Variants in RALGAPA2 observed in about 807,000 individuals in gnomAD.
RALGAPA2 encodes the protein Ral GTPase activating protein catalytic subunit alpha 2.
RALGAPA2 carries 139 observed loss-of-function variants against 230.4 expected under a neutral mutation model. The ratio of observed to expected loss-of-function variants is 0.60; its 90% confidence interval spans 0.53 to 0.69. The LOEUF (loss-of-function observed/expected upper bound fraction) is 0.69, where lower values mean the gene tolerates loss of function less well. RALGAPA2 is among the 30% of genes least tolerant of loss of function. RALGAPA2 has a pLI of 0.00. For missense variants in RALGAPA2, 2,163 were observed against 2,276.0 expected (o/e 0.95, Z 1.01); for synonymous variants, 847 against 837.8 (o/e 1.01, Z -0.19).
At chr20:20,459,192 T>C (rs2061242807) in intron 37 of RALGAPA2, among the ~76,000 whole-genome samples, 1 of 152,098 alleles carries the variant, frequency 6.6e-6, no homozygotes, top group Non-Finnish European at 1.5e-5. Flanking sequence ...CAGCACATTT[T>C]AATTCCACTG....
intron 36 of RALGAPA2, among the ~76,000 whole-genome samples, chr20:20,488,143 A>G (rs1049993918): frequency 6.6e-6 from 1 of 152,038 alleles, no homozygotes; most frequent in Non-Finnish European, 1.5e-5. Flanking sequence ...TATATTTTCC[A>G]TCTGTGTTTG....
chr20:20,698,242 T>C (rs2069195534), intron 1 of RALGAPA2, among the ~76,000 whole-genome samples: 1 of 151,922 alleles, frequency 6.6e-6, no homozygotes, highest in South Asian at 2.1e-4. Context: ...GTTAATGTAT[T>C]AAGCACCACT....
chr20:20,595,441 G>A (rs1029099079), intron 16 of RALGAPA2, among the ~76,000 whole-genome samples: 2 of 152,142 alleles, frequency 1.3e-5, no homozygotes, highest in Non-Finnish European at 2.9e-5. Context: ...GGGTAAATCA[G>A]ACCAGGTCCT....
chr20:20,566,382 A>G (rs1283826720), intron 23 of RALGAPA2, among the ~76,000 whole-genome samples: 1 of 152,230 alleles, frequency 6.6e-6, no homozygotes, highest in Non-Finnish European at 1.5e-5. Flanking sequence ...CAAATGTATC[A>G]ATCGGTATGT....
intron 3 of RALGAPA2, among the ~76,000 whole-genome samples, chr20:20,663,596 T>C (rs1047919334): frequency 1.3e-5 from 2 of 152,062 alleles, no homozygotes. Flanking sequence ...ATTATTATTA[T>C]TACTATTATT....
At chr20:20,622,888 C>A (rs906698944) in intron 10 of RALGAPA2, among the ~76,000 whole-genome samples, 1 of 152,092 alleles carries the variant, frequency 6.6e-6, no homozygotes, top group Non-Finnish European at 1.5e-5. Context: ...ATTACATATT[C>A]ATAATAATAA....
intron 38 of RALGAPA2, among the ~76,000 whole-genome samples, chr20:20,411,736 C>A (rs984908573): frequency 1.3e-5 from 2 of 152,194 alleles, no homozygotes; most frequent in African/African-American, 4.8e-5. Flanking sequence ...ATTCCCAGCT[C>A]AGCAAGAAAC....
At chr20:20,491,166 G>A (rs1362828164) in intron 36 of RALGAPA2, among the ~76,000 whole-genome samples, 1 of 152,080 alleles carries the variant, frequency 6.6e-6, no homozygotes, top group Non-Finnish European at 1.5e-5. Context: ...GCTTAGAACT[G>A]GAACTCTGGT....
At chr20:20,423,882 C>A (rs181364172) in intron 37 of RALGAPA2, among the ~76,000 whole-genome samples, 5 of 152,278 alleles carry the variant, frequency 3.3e-5, no homozygotes, top group African/African-American at 1.2e-4. Context: ...CCTAATGATA[C>A]ACTCCTGGAG....
chr20:20,536,570 T>C, intron 25 of RALGAPA2, 86 bp downstream of exon 25: 2 of 1,438,522 alleles, frequency 1.4e-6, no homozygotes, highest in Non-Finnish European at 1.9e-6. Flanking sequence ...AATAAGCAGA[T>C]TAATATACAC....
chr20:20,593,738 G>A (rs1396936160), intron 16 of RALGAPA2, among the ~76,000 whole-genome samples: 1 of 152,216 alleles, frequency 6.6e-6, no homozygotes, highest in African/African-American at 2.4e-5. Context: ...GCTATGAGCA[G>A]GAGCAAATAA....
intron 16 of RALGAPA2, among the ~76,000 whole-genome samples, chr20:20,595,400 T>TG (rs2065421718): frequency 6.6e-6 from 1 of 152,196 alleles, no homozygotes. Flanking sequence ...GCTCAGCATC[T>TG]TGAGGTTTCC....
intron 10 of RALGAPA2, among the ~76,000 whole-genome samples, chr20:20,625,278 T>C (rs2066456959): frequency 6.6e-6 from 1 of 152,232 alleles, no homozygotes; most frequent in South Asian, 2.1e-4. Flanking sequence ...GTGTCTCATC[T>C]ATGTAGCTAG....
Position 20,591,307 on chromosome 20 carries a change from C to T in RALGAPA2, c.2211G>A (p.Glu737=), listed in dbSNP as rs766869836. Residue 737 remains glutamate (E), a synonymous_variant, in exon 17 of 40, where the codon GAG becomes GAA. Transcript: ENST00000202677. ...NIVRQKATEV[E]ECQQSENAPA... is the part of the protein sequence containing the mutation. The stretch of plus-strand genomic sequence containing the variant: ...GTGCATTTTCTGACTGTTGACACTC[C>T]TCCACTTCTGTGAGCATTAACAAAA... 8 of 1,613,532 alleles carry T rather than the reference C, an allele frequency of 5.0e-6. No homozygotes were observed. In the East Asian group the frequency reaches 1.8e-4, roughly 36 times the overall value.
At chr20:20,508,363 C>T (rs1281695755) in intron 33 of RALGAPA2, among the ~76,000 whole-genome samples, 5 of 152,222 alleles carry the variant, frequency 3.3e-5, no homozygotes, top group African/African-American at 1.2e-4. Flanking sequence ...AATTAACAAT[C>T]TTCCCTTCCT....
intron 2 of RALGAPA2, among the ~76,000 whole-genome samples, chr20:20,679,016 A>G (rs890318654): frequency 6.6e-6 from 1 of 152,152 alleles, no homozygotes; most frequent in African/African-American, 2.4e-5. Flanking sequence ...CATATACCCA[A>G]TAAAATAAGG....
intron 37 of RALGAPA2, among the ~76,000 whole-genome samples, chr20:20,454,752 C>T (rs569661984): frequency 9.9e-5 from 15 of 152,284 alleles, no homozygotes; most frequent in Admixed American, 5.9e-4. Flanking sequence ...CATTCAAAGA[C>T]GGTAGTGACA....
intron 6 of RALGAPA2, among the ~76,000 whole-genome samples, chr20:20,640,444 C>G (rs531638878): frequency 1.3e-5 from 2 of 152,308 alleles, no homozygotes; most frequent in South Asian, 4.1e-4. Flanking sequence ...GTCTCTACTT[C>G]GTGCTACTGC....
At chr20:20,661,073 G>A (rs2067759528) in intron 3 of RALGAPA2, among the ~76,000 whole-genome samples, 1 of 152,096 alleles carries the variant, frequency 6.6e-6, no homozygotes, top group Non-Finnish European at 1.5e-5. Context: ...ATAATAATCT[G>A]GGTATAAACT....
Sources: gnomAD v4.1 joint callset for allele counts (sites outside exome capture counted in the v4.1 genomes callset) on GRCh38, gnomAD v4.1.1 for gene constraint, MANE v1.5 for transcripts, NCBI Gene and HGNC (gene_info 2026-07-23, HGNC 2026-07-21) for gene names.